TMEM150C: variants seen among roughly 807,000 people sequenced by gnomAD.
TMEM150C encodes the protein tentonin 3.
TMEM150C carries 10 observed loss-of-function variants against 29.9 expected under a neutral mutation model. The observed-to-expected ratio is 0.33, with a 90% confidence interval of 0.21 to 0.57. TMEM150C has a LOEUF of 0.57. TMEM150C is among the 20% of genes least tolerant of loss of function. The probability of loss-of-function intolerance (pLI) is 0.88; values close to 1 mark genes in which losing one functional copy is unlikely to be tolerated. For synonymous variants in TMEM150C, 101 were observed against 112.5 expected, an observed-to-expected ratio of 0.90 and a Z score of 0.64; for missense variants, 251 against 303.6, an observed-to-expected ratio of 0.83 and a Z score of 1.29.
chr4:82,500,979 G>A (rs553635212), intron 5 of TMEM150C, among the ~76,000 whole-genome samples: 11 of 152,302 alleles, frequency 7.2e-5, no homozygotes, highest in Non-Finnish European at 1.6e-4. Context: ...TGCCCCCTGT[G>A]GGAAGAGCAT....
intron 6 of TMEM150C, among the ~76,000 whole-genome samples, chr4:82,492,864 G>GTATATATATATA (rs58169287): frequency 0.016 from 1,452 of 90,090 alleles, 34 homozygotes; most frequent in African/African-American, 0.026. Flanking sequence ...ATATGTTTGT[G>GTATATATATATA]TATATATATA....
chr4:82,552,680 G>C (rs189382713), intron 1 of TMEM150C, among the ~76,000 whole-genome samples: 1 of 152,338 alleles, frequency 6.6e-6, no homozygotes, highest in East Asian at 1.9e-4. Context: ...GACCCACCCA[G>C]AGATTCTGAT....
intron 1 of TMEM150C, among the ~76,000 whole-genome samples, chr4:82,529,135 A>G (rs1235377741): frequency 6.6e-6 from 1 of 152,228 alleles, no homozygotes; most frequent in Middle Eastern, 3.4e-3. Flanking sequence ...AGCCAAAGAC[A>G]GAGAAGCACC....
intron 1 of TMEM150C, among the ~76,000 whole-genome samples, chr4:82,513,061 A>G (rs1255198278): frequency 6.6e-6 from 1 of 152,206 alleles, no homozygotes; most frequent in Non-Finnish European, 1.5e-5. Flanking sequence ...AGAGCGGCAG[A>G]TCTCCTAGCA....
intron 6 of TMEM150C, 122 bp downstream of exon 6, chr4:82,495,945 TA>T (rs1560481453): frequency 9.2e-6 from 12 of 1,306,554 alleles, no homozygotes; most frequent in South Asian, 1.5e-5. Context: ...TCCTAGTTTT[TA>T]AAAAAAGGTT....
chr4:82,554,848 A>C (rs1306336240), intron 1 of TMEM150C, among the ~76,000 whole-genome samples: 1 of 152,206 alleles, frequency 6.6e-6, no homozygotes, highest in East Asian at 1.9e-4. Flanking sequence ...AAGGCAGTTC[A>C]TCTTGCCCCT....
intron 1 of TMEM150C, among the ~76,000 whole-genome samples, chr4:82,541,158 C>A (rs1725188252): frequency 6.6e-6 from 1 of 152,114 alleles, no homozygotes; most frequent in Admixed American, 6.5e-5. Context: ...CTTTCCTTAG[C>A]AAGGAAATCC....
At chr4:82,501,699 T>C (rs544335808) in intron 5 of TMEM150C, among the ~76,000 whole-genome samples, 12 of 152,216 alleles carry the variant, frequency 7.9e-5, no homozygotes, top group Non-Finnish European at 1.3e-4. Flanking sequence ...CTGTGTTGCA[T>C]GTTGGACCAC....
chr4:82,494,993 A>T, intron 6 of TMEM150C: 1 of 776,234 alleles, frequency 1.3e-6, no homozygotes, highest in Non-Finnish European at 2.1e-6. Context: ...TTTTCTTAGT[A>T]CACTGCTTCT....
Position 82,507,066 on chromosome 4 carries a change from T to G in TMEM150C, c.-10-2399A>C, listed in dbSNP as rs77352507. On this transcript the variant is annotated intron_variant, in intron 1 of 7. Transcript: ENST00000449862. Reference sequence around the variant, plus strand: ...TGAAACCTAGATTGTGAGATTCAACTAAATGAACACTATTGAATGCAAAGA... The same window carrying G: ...TGAAACCTAGATTGTGAGATTCAACGAAATGAACACTATTGAATGCAAAGA... Among the ~76,000 whole-genome samples the G allele has an allele frequency of 6.5e-3, 985 of 152,286 alleles. 6 individuals are homozygous for G. Among genetic ancestry groups the G allele is most frequent in the African/African-American group, 0.023 (938 of 41,542 alleles).
chr4:82,495,618 C>A, intron 6 of TMEM150C: 1 of 349,648 alleles, frequency 2.9e-6, no homozygotes. Flanking sequence ...CTTTCTCCAG[C>A]TTTCCTTGGT....
intron 6 of TMEM150C, chr4:82,490,882 C>G (rs529020160): frequency 1.0e-5 from 7 of 702,360 alleles, no homozygotes; most frequent in African/African-American, 7.0e-5. Flanking sequence ...GCAATGTGAG[C>G]CACAGACTTG....
chr4:82,496,281 TA>T (rs1723556458), intron 5 of TMEM150C, 86 bp from the exon 6 acceptor site: 10 of 1,326,670 alleles, frequency 7.5e-6, no homozygotes, highest in African/African-American at 1.5e-5. Context: ...ATTATTTTTT[TA>T]TGCTGCACTA....
intron 1 of TMEM150C, among the ~76,000 whole-genome samples, chr4:82,510,392 T>C (rs925204557): frequency 1.4e-4 from 22 of 152,166 alleles, no homozygotes; most frequent in Non-Finnish European, 3.1e-4. Context: ...TTATTATAAA[T>C]AGAAGGACTT....
chr4:82,562,037 G>A (rs1190513618), upstream of TMEM150C: 1 of 1,154,282 alleles, frequency 8.7e-7, no homozygotes, highest in East Asian at 8.1e-5. Flanking sequence ...CGCCCGCCCG[G>A]CCCCCTCCTG....
chr4:82,490,572 T>G (rs778210803), intron 6 of TMEM150C, among the ~76,000 whole-genome samples: 1 of 151,712 alleles, frequency 6.6e-6, no homozygotes, highest in Non-Finnish European at 1.5e-5. Flanking sequence ...TTGGACATGG[T>G]TTTTTTTGTT....
intron 1 of TMEM150C, among the ~76,000 whole-genome samples, chr4:82,524,197 G>C (rs561429685): frequency 2.0e-5 from 3 of 152,014 alleles, no homozygotes; most frequent in African/African-American, 7.2e-5. Context: ...GAACCCGGGG[G>C]GCGGAGCTTG....
At chr4:82,492,621 A>G (rs1335904339) in intron 6 of TMEM150C, among the ~76,000 whole-genome samples, 3 of 151,830 alleles carry the variant, frequency 2.0e-5, no homozygotes, top group Admixed American at 1.3e-4. Flanking sequence ...AAACTCCCCA[A>G]ATCATTACCA....
intron 1 of TMEM150C, among the ~76,000 whole-genome samples, chr4:82,528,988 C>T (rs1040586884): frequency 1.3e-5 from 2 of 151,272 alleles, no homozygotes; most frequent in African/African-American, 2.4e-5. Context: ...TCAGGCTGGA[C>T]GTGTTGATTT....
Sources: allele counts gnomAD v4.1 joint callset (sites outside exome capture counted in the v4.1 genomes callset), GRCh38; gene constraint gnomAD v4.1.1; transcripts MANE v1.5; gene names NCBI Gene and HGNC (gene_info 2026-07-23, HGNC 2026-07-21).